Variants in TMEM214 observed in about 807,000 individuals in gnomAD.
TMEM214 encodes the protein transmembrane protein 214.
TMEM214 carries 71 observed loss-of-function variants against 89.8 expected under a neutral mutation model. That is an observed-to-expected ratio of 0.79 (90% CI 0.65 to 0.96). TMEM214 has a LOEUF of 0.96. Among genes scored for constraint, TMEM214 ranks in the 40% least tolerant of loss-of-function variants. The pLI is 0.00. For synonymous variants in TMEM214, 332 were observed against 349.5 expected (o/e 0.95, Z 0.56); for missense variants, 754 against 843.4 (o/e 0.89, Z 1.31).
Position 27,037,570 on chromosome 2 carries a change from G to A in TMEM214, c.1020G>A (p.Glu340=), listed in dbSNP as rs367708839. Residue 340 remains glutamate, a synonymous_variant, in exon 9 of 17, where the codon GAG becomes GAA. Transcript: ENST00000238788. ...PNNSLTPSLQ[E]QLCQLYPRLK... is the part of the protein sequence containing the mutation. Reference sequence around the variant, plus strand: ...TCCCCACCCCACCCAGCCTGCAGGAGCAGCTGTGTCAGCTCTACCCCCGAC... The same window carrying A: ...TCCCCACCCCACCCAGCCTGCAGGAACAGCTGTGTCAGCTCTACCCCCGAC... 118 of 1,614,136 alleles carry A rather than the reference G, an allele frequency of 7.3e-5. No homozygotes were observed. The highest frequency in any genetic ancestry group is 9.1e-5 in the Non-Finnish European group (107 of 1,180,018).
chr2:27,040,591 C>CT (rs1667796236), intron 16 of TMEM214, 95 bp downstream of exon 16: 1 of 1,582,458 alleles, frequency 6.3e-7, no homozygotes, highest in African/African-American at 1.3e-5. Flanking sequence ...CCACACTGTC[C>CT]TGCCCCTCGC....
chr2:27,038,232 G>T lies in TMEM214; in HGVS notation c.1239G>T (p.Gln413His), dbSNP rs1277769637. The change falls in exon 10 of 17, where the codon CAG becomes CAT. Residue 413 changes from glutamine (Q) to histidine (H), a missense_variant. Coordinates refer to ENST00000238788, the MANE Select transcript of TMEM214 (RefSeq NM_017727.5). This position sits in a 1 kb window ranked among gnomAD's most constrained non-coding sequence, Gnocchi z 4.4. The stretch of plus-strand genomic sequence containing the variant: ...AGCTGTACCCTAAGCACCTGTCACA[G>T]TCCAGGCAGGTGGGGTGGGAGGCCA... ...WRQLYPKHLSQSSLLLEHLLS... is the reference protein window; with the variant it reads ...WRQLYPKHLSHSSLLLEHLLS... 3.7e-6 allele frequency: 6 copies of T among 1,613,254 alleles called. No individual in the cohort carries two copies. The highest frequency in any genetic ancestry group is 1.3e-5 in the African/African-American group (1 of 74,912).
chr2:27,033,204 T>C, intron 1 of TMEM214, 38 bp downstream of exon 1: 1 of 1,243,922 alleles, frequency 8.0e-7, no homozygotes, highest in Non-Finnish European at 1.0e-6. Flanking sequence ...ACCCCAGGCC[T>C]GTCCGGCAGG....
chr2:27,034,104 C>A lies in TMEM214; in HGVS notation c.189C>A (p.Gly63=). ...CCACAAGCACCCTTTATGAGCGGGG[C>A]TTTGAGAATATCATGAAGCGGCAGA... The part of the protein sequence containing the change: ...IQTTSTLYER[G]FENIMKRQNK... The change falls in exon 2 of 17, where the codon GGC becomes GGA. Residue 63 remains glycine, a synonymous_variant. Coordinates refer to ENST00000238788, the MANE Select transcript of TMEM214 (RefSeq NM_017727.5). 1 of 1,614,102 alleles carries A rather than the reference C, an allele frequency of 6.2e-7. No homozygotes were observed. Among genetic ancestry groups the A allele is most frequent in the Non-Finnish European group, 8.5e-7 (1 of 1,180,030 alleles).
intron 13 of TMEM214, 28 bp from the exon 14 acceptor site, chr2:27,039,713 C>T: frequency 6.2e-7 from 1 of 1,601,232 alleles, no homozygotes; most frequent in Non-Finnish European, 8.6e-7. Context: ...TCTCACCTCC[C>T]AGCTCACCAG....
In TMEM214 at chr2:27,039,139, C is replaced by A; in HGVS notation, c.1500C>A (p.Asp500Glu). 2 of 1,613,834 alleles carry A rather than the reference C, an allele frequency of 1.2e-6. No individual in the cohort carries two copies. The highest frequency in any genetic ancestry group is 1.7e-6 in the Non-Finnish European group (2 of 1,180,024). ...LVFAVGFLCH[D>E]LRSHSSFQAS... ...TCGCTGTAGGCTTCCTGTGCCATGA[C>A]CTCCGGTCACACAGCTCCTTCCAGG... is the stretch of plus-strand genomic sequence containing the variant. Residue 500 changes from aspartate (D) to glutamate (E), a missense_variant, in exon 13 of 17, where the codon GAC (aspartate) becomes GAA (glutamate). By Grantham distance (45) the Asp-to-Glu change is conservative. Transcript: ENST00000238788.
intron 13 of TMEM214, 70 bp from the exon 14 acceptor site, chr2:27,039,671 C>G (rs1221542018): frequency 7.6e-7 from 1 of 1,323,756 alleles, no homozygotes; most frequent in Non-Finnish European, 1.1e-6. Flanking sequence ...TGCTCTGGGC[C>G]CTGTAGTGTC....
chr2:27,038,264 C>G lies in TMEM214; in HGVS notation c.1244+27C>G. ...CAGGTGGGGTGGGAGGCCAGCCTGTCCCTGTGCTAGAAGCAGAAGGGGAGC... is the reference window on the plus strand; with the variant it reads ...CAGGTGGGGTGGGAGGCCAGCCTGTGCCTGTGCTAGAAGCAGAAGGGGAGC... On this transcript the variant is annotated intron_variant, in intron 10 of 16. Coordinates refer to ENST00000238788, the MANE Select transcript of TMEM214 (RefSeq NM_017727.5). This position sits in a 1 kb window ranked among gnomAD's most constrained non-coding sequence, Gnocchi z 4.4. 6.2e-7 allele frequency: 1 copy of G among 1,609,002 alleles called. No individual in the cohort carries two copies. Among genetic ancestry groups the G allele is most frequent in the South Asian group, 1.1e-5 (1 of 90,982 alleles).
At position 27,038,813 on chromosome 2, in the gene TMEM214, A is replaced by G; in HGVS notation, c.1405A>G (p.Lys469Glu). 1 of 1,613,420 alleles carries G rather than the reference A, an allele frequency of 6.2e-7. No individual in the cohort carries two copies. Among genetic ancestry groups the G allele is most frequent in the Non-Finnish European group, 8.5e-7 (1 of 1,179,430 alleles). ...QDVVTCDMACKGLLQQVQGPR... is the reference protein window; with the variant it reads ...QDVVTCDMACEGLLQQVQGPR... ...TGTCGTCACCTGTGACATGGCCTGC[A>G]AGGTGCTGGCACCCGGTCCTCTCCA... is the stretch of plus-strand genomic sequence containing the variant. The change falls in exon 12 of 17, where the codon AAG becomes GAG. Residue 469 changes from lysine to glutamate, a missense_variant and splice_region_variant. Lys to Glu is a moderately conservative substitution (Grantham distance 56). Coordinates refer to ENST00000238788, the MANE Select transcript of TMEM214 (RefSeq NM_017727.5). This position sits in a 1 kb window ranked among gnomAD's most constrained non-coding sequence, Gnocchi z 4.4.
intron 2 of TMEM214, 32 bp downstream of exon 2, chr2:27,034,298 A>G: frequency 6.2e-7 from 1 of 1,608,072 alleles, no homozygotes; most frequent in Non-Finnish European, 8.5e-7. Context: ...ACGCAGAAAG[A>G]ATGGGGGCTT....
In TMEM214 at chr2:27,036,047, G is replaced by A. The variant is rs775560802; in HGVS notation, c.715G>A (p.Gly239Ser). The A allele has an allele frequency of 1.9e-6, 3 of 1,614,146 alleles. No homozygotes were observed. The East Asian group carries it at 6.7e-5, about 36-fold the overall frequency. ...GCCCAAGATTGCCACGGCAAACCTA[G>A]GCAAGGTGAGCTCTCAGTGATGGTG... Reference protein sequence around the residue: ...DKPKIATANLGKFLELLRSHQ... With the variant: ...DKPKIATANLSKFLELLRSHQ... The change falls in exon 5 of 17, where the codon GGC (glycine) becomes AGC (serine). Residue 239 changes from glycine (G) to serine (S), a missense_variant. By Grantham distance (56) the Gly-to-Ser change is moderately conservative (BLOSUM62 0). Transcript: ENST00000238788.
chr2:27,036,449 G>A (rs1356487884), intron 5 of TMEM214, 38 bp from the exon 6 acceptor site: 30 of 1,551,010 alleles, frequency 1.9e-5, no homozygotes, highest in African/African-American at 2.7e-5. Flanking sequence ...CTGGTGTTTT[G>A]TCCTATCCCA....
chr2:27,036,543 G>A lies in TMEM214; in HGVS notation c.777G>A (p.Met259Ile), dbSNP rs373399899. The change falls in exon 6 of 17, where the codon ATG becomes ATA. Residue 259 changes from methionine (M) to isoleucine (I), a missense_variant. Transcript: ENST00000238788. ...QSRPAKCLTIMWALGQAGFAN... is the reference protein window; with the variant it reads ...QSRPAKCLTIIWALGQAGFAN... ...GACCAGCAAAGTGTCTCACCATCATGTGGGCCCTGGGTCAAGCAGGTTTTG... is the reference window on the plus strand; with the variant it reads ...GACCAGCAAAGTGTCTCACCATCATATGGGCCCTGGGTCAAGCAGGTTTTG... 113 of 1,614,054 alleles carry A rather than the reference G, an allele frequency of 7.0e-5. No homozygotes were observed. Among genetic ancestry groups the A allele is most frequent in the Non-Finnish European group, 8.9e-5 (105 of 1,180,044 alleles).
In TMEM214 at chr2:27,040,427, T is replaced by A; in HGVS notation, c.1874T>A (p.Leu625Gln). 1 of 1,614,254 alleles carries A rather than the reference T, an allele frequency of 6.2e-7. No homozygotes were observed. The highest frequency in any genetic ancestry group is 8.5e-7 in the Non-Finnish European group (1 of 1,180,046). Reference sequence around the variant, plus strand: ...CCCCTGCTTTTCCACCAGAATGTGCTGCTGCCACTGTGGCACCTCTTGCTT... The same window carrying A: ...CCCCTGCTTTTCCACCAGAATGTGCAGCTGCCACTGTGGCACCTCTTGCTT... ...ELPLLFHQNVLLPLWHLLLEA... is the reference protein window; with the variant it reads ...ELPLLFHQNVQLPLWHLLLEA... Residue 625 changes from leucine to glutamine, a missense_variant, in exon 16 of 17, where the codon CTG becomes CAG. Transcript: ENST00000238788.
At chr2:27,037,241 T>G (rs1358697683) in intron 8 of TMEM214, 63 bp downstream of exon 8, 2 of 1,306,094 alleles carry the variant, frequency 1.5e-6, no homozygotes, top group African/African-American at 2.9e-5. Flanking sequence ...ACACTACATA[T>G]TCCCGTCTCT....
chr2:27,038,139 T>G lies in TMEM214; in HGVS notation c.1153-7T>G. 6.2e-7 allele frequency: 1 copy of G among 1,614,160 alleles called. No homozygotes were observed. Among genetic ancestry groups the G allele is most frequent in the African/African-American group, 1.3e-5 (1 of 75,054 alleles). Reference sequence around the variant, plus strand: ...CCAGCAGCCTCTCCCTCTGTCGTGCTGTGCAGCTCCTGAGCAGCCTGACTG... The same window carrying G: ...CCAGCAGCCTCTCCCTCTGTCGTGCGGTGCAGCTCCTGAGCAGCCTGACTG... On this transcript the variant is annotated splice_polypyrimidine_tract_variant and splice_region_variant and intron_variant, in intron 9 of 16. Coordinates refer to ENST00000238788, the MANE Select transcript of TMEM214 (RefSeq NM_017727.5). This position sits in a 1 kb window ranked among gnomAD's most constrained non-coding sequence, Gnocchi z 4.4.
At chr2:27,036,617 AG>A (rs1179503384) in intron 6 of TMEM214, 25 bp downstream of exon 6, 1 of 1,613,656 alleles carries the variant, frequency 6.2e-7, no homozygotes, top group Admixed American at 1.7e-5. Context: ...GGGAAGAAAG[AG>A]GGAGGGTCTC....
At position 27,038,246 on chromosome 2, in the gene TMEM214, G is replaced by A; in HGVS notation, c.1244+9G>A. 6.2e-7 allele frequency: 1 copy of A among 1,612,248 alleles called. No homozygotes were observed. Among genetic ancestry groups the A allele is most frequent in the Non-Finnish European group, 8.5e-7 (1 of 1,178,478 alleles). ...CACCTGTCACAGTCCAGGCAGGTGG[G>A]GTGGGAGGCCAGCCTGTCCCTGTGC... On this transcript the variant is annotated intron_variant, in intron 10 of 16. Coordinates refer to ENST00000238788, the MANE Select transcript of TMEM214 (RefSeq NM_017727.5). The surrounding 1 kb of genome is among the most constrained non-coding windows in gnomAD (Gnocchi z 4.4).
chr2:27,040,815 T>G lies in TMEM214; in HGVS notation c.2048T>G (p.Leu683Arg). ...DITVAFLDWALALISQQ is the reference protein window; with the variant it reads ...DITVAFLDWARALISQQ ...ACAGTGGCTTTCTTGGACTGGGCAC[T>G]TGCCCTGATATCCCAGCAGTAGGCC... Residue 683 changes from leucine to arginine, a missense_variant, in exon 17 of 17, where the codon CTT becomes CGT. By Grantham distance (102) the Leu-to-Arg change is moderately radical. Coordinates refer to ENST00000238788, the MANE Select transcript of TMEM214 (RefSeq NM_017727.5). 6.2e-7 allele frequency: 1 copy of G among 1,614,008 alleles called. No individual in the cohort carries two copies. The highest frequency in any genetic ancestry group is 8.5e-7 in the Non-Finnish European group (1 of 1,179,836).
Sources: allele counts gnomAD v4.1 joint callset, GRCh38; gene constraint gnomAD v4.1.1; non-coding constraint Gnocchi (gnomAD v3.1); transcripts MANE v1.5; gene names NCBI Gene and HGNC (gene_info 2026-07-23, HGNC 2026-07-21).